The following TRAK2 variants were observed in gnomAD, a reference collection of about 807,000 sequenced individuals.
TRAK2 encodes the protein trafficking kinesin-binding protein 2.
Under a neutral mutation model 104.6 loss-of-function variants are expected in TRAK2, and 81 were observed. The ratio of observed to expected loss-of-function variants is 0.77; its 90% confidence interval spans 0.65 to 0.93. The LOEUF (loss-of-function observed/expected upper bound fraction) is 0.93. TRAK2 is among the 40% of genes least tolerant of loss of function. The pLI, the probability that TRAK2 is intolerant of heterozygous loss-of-function variation, is 0.00. For synonymous variants in TRAK2, 406 were observed against 394.4 expected (o/e 1.03, Z -0.35); for missense variants, 1,002 against 1,089.0 (o/e 0.92, Z 1.12).
At chr2:201,399,851 A>G (rs1951534896) in intron 4 of TRAK2, among the ~76,000 whole-genome samples, 1 of 152,136 alleles carries the variant, frequency 6.6e-6, no homozygotes, top group South Asian at 2.1e-4. Flanking sequence ...GGGTCTGTAC[A>G]GTAAAAGCTC....
intron 9 of TRAK2, 39 bp from the exon 10 acceptor site, chr2:201,393,085 A>T: frequency 6.4e-7 from 1 of 1,565,346 alleles, no homozygotes; most frequent in Non-Finnish European, 8.7e-7. Flanking sequence ...TTGCCTTCCC[A>T]AAACAACATT....
chr2:201,422,044 T>C (rs1354978084), intron 1 of TRAK2, among the ~76,000 whole-genome samples: 9 of 108,856 alleles, frequency 8.3e-5, no homozygotes, highest in Admixed American at 7.9e-4. Flanking sequence ...AGCAAGACTC[T>C]GTCTCAAAAA....
intron 1 of TRAK2, among the ~76,000 whole-genome samples, chr2:201,435,720 A>G (rs866772192): frequency 2.6e-5 from 4 of 152,322 alleles, no homozygotes; most frequent in African/African-American, 9.6e-5. Flanking sequence ...TTGTTTGGGA[A>G]AAGACTTGGA....
intron 2 of TRAK2, chr2:201,412,110 A>C (rs1250027873): frequency 9.3e-7 from 1 of 1,073,764 alleles, no homozygotes; most frequent in Admixed American, 1.7e-5. Flanking sequence ...AATGTGACAT[A>C]TTCTTCTTTG....
Position 201,389,865 on chromosome 2 carries a change from C to A in TRAK2, c.1129G>T (p.Glu377Ter), listed in dbSNP as rs1183661263. The change falls in exon 11 of 16, where the codon GAG becomes TAG. Residue 377 changes from glutamate to a stop codon, truncating the protein, a stop_gained. Transcript: ENST00000332624. LOFTEE classifies it high-confidence loss of function. The part of the protein sequence containing the change: ...GAFTGESLAA[E>*]IEGTMRKKLS... ...TTTTTACGCATAGTCCCCTCAATCT[C>A]AGCTGCCAAAGATTCCTAAGAAAAA... 1 of 1,612,640 alleles carries A rather than the reference C, an allele frequency of 6.2e-7. No homozygotes were observed. Among genetic ancestry groups the A allele is most frequent in the Non-Finnish European group, 8.5e-7 (1 of 1,179,610 alleles).
At chr2:201,448,772 C>G (rs1951985608) in intron 1 of TRAK2, among the ~76,000 whole-genome samples, 1 of 152,216 alleles carries the variant, frequency 6.6e-6, no homozygotes, top group South Asian at 2.1e-4. Context: ...TGGCGTCTCA[C>G]TCTGTCACTC....
At chr2:201,417,293 C>T (rs961742548) in intron 2 of TRAK2, among the ~76,000 whole-genome samples, 3 of 140,004 alleles carry the variant, frequency 2.1e-5, no homozygotes, top group African/African-American at 5.3e-5. Flanking sequence ...AAACCAATAA[C>T]CCTTATTAAT....
chr2:201,388,367 C>T (rs575035072), intron 12 of TRAK2, among the ~76,000 whole-genome samples: 2 of 151,852 alleles, frequency 1.3e-5, no homozygotes, highest in South Asian at 2.1e-4. Flanking sequence ...GCAAGAGGTA[C>T]CATTATTTTA....
intron 2 of TRAK2, chr2:201,412,786 T>C (rs1053026772): frequency 5.1e-6 from 6 of 1,165,820 alleles, no homozygotes; most frequent in East Asian, 2.3e-5. Flanking sequence ...AATATTTCCA[T>C]GTACCATTTT....
In TRAK2 at chr2:201,395,438, G is replaced by A. The variant is rs1296656813; in HGVS notation, c.776C>T (p.Thr259Ile). The part of the protein sequence containing the change: ...VSDCVKELRE[T>I]NAQMSRMTEE... ...AGTCATTCTGGACATCTGAGCATTT[G>A]TTTCACCTTGGAAGCAAAAAAAATT... The change falls in exon 8 of 16, where the codon ACA becomes ATA. Residue 259 changes from threonine (T) to isoleucine (I), a missense_variant. Physicochemically the swap from Thr to Ile is moderately conservative, Grantham distance 89 (BLOSUM62 -1). Transcript: ENST00000332624. 6.5e-7 allele frequency: 1 copy of A among 1,527,762 alleles called. No homozygotes were observed. Among genetic ancestry groups the A allele is most frequent in the East Asian group, 2.3e-5 (1 of 43,620 alleles). 94.6% of individuals were successfully genotyped at this position (1,527,762 alleles called of 1,614,324 possible). A position where few individuals can be genotyped will look rare whatever the true frequency, so the allele number is the denominator to read the frequency against.
chr2:201,397,992 G>T, intron 6 of TRAK2, 153 bp downstream of exon 6: 1 of 693,690 alleles, frequency 1.4e-6, no homozygotes, highest in Non-Finnish European at 2.4e-6. Flanking sequence ...AAGAACAGTG[G>T]AAGGCAAGAA....
Position 201,398,308 on chromosome 2 carries a change from C to G in TRAK2, c.527G>C (p.Arg176Pro), listed in dbSNP as rs199606848. 1.2e-6 allele frequency: 2 copies of G among 1,613,594 alleles called. No homozygotes were observed. The highest frequency in any genetic ancestry group is 1.1e-5 in the South Asian group (1 of 91,048). ...TTCTTCAGAAGCAATGGAGACGATT[C>G]GAAGTAACTCATCTTTCTTGCATAG... Reference protein sequence around the residue: ...HELCKKDELLRIVSIASEESE... With the variant: ...HELCKKDELLPIVSIASEESE... The change falls in exon 6 of 16, where the codon CGA becomes CCA. Residue 176 changes from arginine to proline, a missense_variant. Arg to Pro is a moderately radical substitution (Grantham distance 103). Transcript: ENST00000332624.
chr2:201,394,973 T>C lies in TRAK2; in HGVS notation c.901-101A>G. ...TGAAGAATTTCTCTCTGGGGTATCA[T>C]CTTAAAGCCTACAAAAAGCTAACCT... is the stretch of plus-strand genomic sequence containing the variant. On this transcript the variant is annotated intron_variant, in intron 8 of 15. Transcript: ENST00000332624. 5 of 1,025,802 alleles carry C rather than the reference T, an allele frequency of 4.9e-6. No individual in the cohort carries two copies. In the South Asian group the frequency reaches 7.8e-5, roughly 16 times the overall value. 63.5% of individuals were successfully genotyped at this position (1,025,802 alleles called of 1,614,324 possible).
Position 201,378,597 on chromosome 2 carries a change from C to A in TRAK2, c.*1946G>T, listed in dbSNP as rs376171220. On this transcript the variant is annotated 3_prime_UTR_variant, in exon 16 of 16. Coordinates refer to ENST00000332624, the MANE Select transcript of TRAK2 (RefSeq NM_015049.3). ...TTTTTTAAAAGTGAATTGGAATATG[C>A]GGGAAATTTAAACAGCAGGGATTCT... 3 of 152,156 alleles carry A rather than the reference C, an allele frequency of 2.0e-5. No homozygotes were observed. The East Asian group carries it at 5.8e-4, about 29-fold the overall frequency. 9.4% of individuals were successfully genotyped at this position (152,156 alleles called of 1,614,324 possible).
chr2:201,401,105 T>A lies in TRAK2; in HGVS notation c.287-11A>T, dbSNP rs1951547150. On this transcript the variant is annotated splice_polypyrimidine_tract_variant and intron_variant, in intron 3 of 15. Coordinates refer to ENST00000332624, the MANE Select transcript of TRAK2 (RefSeq NM_015049.3). ...TGTCTGTGCCTAGAACTAATATAGT[T>A]AAAAACAACTATTTATAGGCTTTAG... The A allele has an allele frequency of 6.4e-7, 1 of 1,573,242 alleles. No homozygotes were observed. The highest frequency in any genetic ancestry group is 1.4e-5 in the African/African-American group (1 of 73,868).
At position 201,386,302 on chromosome 2, in the gene TRAK2, C is replaced by T; in HGVS notation, c.1879G>A (p.Glu627Lys). Residue 627 changes from glutamate (E) to lysine (K), a missense_variant, in exon 14 of 16, where the codon GAA becomes AAA. Coordinates refer to ENST00000332624, the MANE Select transcript of TRAK2 (RefSeq NM_015049.3). ...GITFQVQQPL[E>K]VEEKLSTSKP... ...GATGTTGAAAGTTTCTCTTCCACTT[C>T]AAGAGGTTGCTGAACCTGAAAAGTA... 1 of 1,614,154 alleles carries T rather than the reference C, an allele frequency of 6.2e-7. No individual in the cohort carries two copies.
At chr2:201,401,575 C>T (rs1011392720) in intron 3 of TRAK2, among the ~76,000 whole-genome samples, 17 of 152,074 alleles carry the variant, frequency 1.1e-4, no homozygotes, top group African/African-American at 3.1e-4. Context: ...CTAATGTAAA[C>T]AAGGAACAGG....
chr2:201,422,308 G>A (rs962136564), intron 1 of TRAK2, among the ~76,000 whole-genome samples: 1 of 151,926 alleles, frequency 6.6e-6, no homozygotes, highest in Non-Finnish European at 1.5e-5. Context: ...TAATAACAGT[G>A]GAACATACAA....
At chr2:201,395,183 G>C in intron 8 of TRAK2, 131 bp downstream of exon 8, 2 of 714,396 alleles carry the variant, frequency 2.8e-6, no homozygotes, top group Non-Finnish European at 4.5e-6. Context: ...GATTAAAACA[G>C]CAATCAGATT....
Sources: allele counts gnomAD v4.1 joint callset (sites outside exome capture counted in the v4.1 genomes callset), GRCh38; gene constraint gnomAD v4.1.1; transcripts MANE v1.5; gene names NCBI Gene and HGNC (gene_info 2026-07-23, HGNC 2026-07-21).